ANKRD37: variants seen among roughly 807,000 people sequenced by gnomAD.
ANKRD37 encodes the protein ankyrin repeat domain 37.
ANKRD37 carries 17 observed loss-of-function variants against 19.7 expected under a neutral mutation model. The ratio of observed to expected loss-of-function variants is 0.86; its 90% confidence interval spans 0.59 to 1.29. The LOEUF (loss-of-function observed/expected upper bound fraction) is 1.29, where lower values mean the gene tolerates loss of function less well. Ranked by LOEUF, ANKRD37 falls within the 50% of genes most tolerant of loss-of-function variation. ANKRD37 has a pLI of 0.00. For synonymous variants in ANKRD37, 79 were observed against 74.5 expected (o/e 1.06, Z -0.31); for missense variants, 207 against 190.4 (o/e 1.09, Z -0.51).
chr4:185,397,963 T>TA (rs573622028), intron 2 of ANKRD37, among the ~76,000 whole-genome samples: 1 of 152,262 alleles, frequency 6.6e-6, no homozygotes, highest in African/African-American at 2.4e-5. Context: ...GGCTACACGT[T>TA]TTTATTTATT....
chr4:185,400,576 A>G, downstream of ANKRD37: 2 of 774,492 alleles, frequency 2.6e-6, no homozygotes, highest in Non-Finnish European at 4.2e-6. Context: ...ACCTTGGAAT[A>G]AGACTCTAAA....
In ANKRD37 at chr4:185,399,622, T is replaced by C. The variant is rs760164904; in HGVS notation, c.325T>C (p.Phe109Leu). The C allele has an allele frequency of 1.2e-6, 2 of 1,614,202 alleles. No individual in the cohort carries two copies. The highest frequency in any genetic ancestry group is 8.5e-7 in the Non-Finnish European group (1 of 1,180,020). The change falls in exon 4 of 5, where the codon TTT becomes CTT. Residue 109 changes from phenylalanine (F) to leucine (L), a missense_variant. Physicochemically the swap from Phe to Leu is conservative, Grantham distance 22 (BLOSUM62 0). Coordinates refer to ENST00000335174, the MANE Select transcript of ANKRD37 (RefSeq NM_181726.4). ...TGAAGATCTCGCTTGGTCATGTGGA[T>C]TTCCAGACTGTGCCAAGTTTCTTAC... The part of the protein sequence containing the change: ...TAEDLAWSCG[F>L]PDCAKFLTTI...
In ANKRD37 at chr4:185,399,767, A is replaced by G. The variant is rs1209472916; in HGVS notation, c.470A>G (p.Lys157Arg). 2 of 1,613,952 alleles carry G rather than the reference A, an allele frequency of 1.2e-6. No homozygotes were observed. Among genetic ancestry groups the G allele is most frequent in the African/African-American group, 2.7e-5 (2 of 74,936 alleles). Residue 157 changes from lysine (K) to arginine (R), a missense_variant, in exon 4 of 5, where the codon AAG (lysine) becomes AGG (arginine). Physicochemically the swap from Lys to Arg is conservative, Grantham distance 26. Coordinates refer to ENST00000335174, the MANE Select transcript of ANKRD37 (RefSeq NM_181726.4). ...GTAGAAAATACCAGTGGGAAAAGGA[A>G]GTGCTGGTAAGTAACTCAGAGCTGC... ...GSVENTSGKR[K>R]C
In ANKRD37 at chr4:185,397,225, G is replaced by T. The variant is rs1414613084; in HGVS notation, c.103G>T (p.Val35Phe). 6.2e-7 allele frequency: 1 copy of T among 1,614,146 alleles called. No homozygotes were observed. Among genetic ancestry groups the T allele is most frequent in the Admixed American group, 1.7e-5 (1 of 60,034 alleles). Reference protein sequence around the residue: ...APPDPCKQSPVHLAAGSGLAC... With the variant: ...APPDPCKQSPFHLAAGSGLAC... ...CCCGGATCCCTGCAAGCAGTCGCCT[G>T]TCCACTTAGCCGCAGGAAGCGGCCT... is the stretch of plus-strand genomic sequence containing the variant. The change falls in exon 2 of 5, where the codon GTC becomes TTC. Residue 35 changes from valine to phenylalanine, a missense_variant. Coordinates refer to ENST00000335174, the MANE Select transcript of ANKRD37 (RefSeq NM_181726.4).
rs1438407657 is a variant in ANKRD37, at chr4:185,397,248, C to CTTT, written c.126_127insTTT (p.Gly42_Leu43insPhe). On this transcript the variant is annotated inframe_insertion, in exon 2 of 5. Coordinates refer to ENST00000335174, the MANE Select transcript of ANKRD37 (RefSeq NM_181726.4). ...CTGTCCACTTAGCCGCAGGAAGCGG[C>CTTT]CTTGCTTGCTTTCTTCTCTGGCAGC... The CTTT allele has an allele frequency of 1.2e-6, 2 of 1,614,030 alleles. No individual in the cohort carries two copies. Among genetic ancestry groups the CTTT allele is most frequent in the African/African-American group, 2.7e-5 (2 of 74,942 alleles).
chr4:185,396,921 G>C lies in ANKRD37; in HGVS notation c.-3G>C. The C allele has an allele frequency of 1.9e-6, 3 of 1,613,566 alleles. No individual in the cohort carries two copies. Among genetic ancestry groups the C allele is most frequent in the Non-Finnish European group, 2.5e-6 (3 of 1,180,028 alleles). On this transcript the variant is annotated 5_prime_UTR_variant, in exon 1 of 5. Transcript: ENST00000335174. ...GACTCTTGTCATCTGCCTTAGGCGG[G>C]AAATGCTGTTGCTGGATTGCAACCC...
rs763882551 is a variant in ANKRD37, at chr4:185,400,050, G to A, written c.*33G>A. ...TGGGTTATGAAGAAGTCTGAAGAAC[G>A]CCTTCATTTCATGCAAATCTATAAG... On this transcript the variant is annotated 3_prime_UTR_variant, in exon 5 of 5. Transcript: ENST00000335174. The A allele has an allele frequency of 1.2e-5, 18 of 1,553,898 alleles. No homozygotes were observed. Among genetic ancestry groups the A allele is most frequent in the South Asian group, 9.2e-5 (8 of 87,012 alleles).
chr4:185,399,931 C>T, intron 4 of ANKRD37, 86 bp from the exon 5 acceptor site: 1 of 1,555,210 alleles, frequency 6.4e-7, no homozygotes, highest in South Asian at 1.2e-5. Flanking sequence ...AGTCTAGAGA[C>T]CAAAAATGGG....
At position 185,400,237 on chromosome 4, in the gene ANKRD37, A is replaced by C. The variant is rs1463163060; in HGVS notation, c.*220A>C. ...TTTTAAGTTATTAAAGGAACGTCTAAAAAATACATTCTCCGTGCAGTATTT... is the reference window on the plus strand; with the variant it reads ...TTTTAAGTTATTAAAGGAACGTCTACAAAATACATTCTCCGTGCAGTATTT... On this transcript the variant is annotated 3_prime_UTR_variant, in exon 5 of 5. Coordinates refer to ENST00000335174, the MANE Select transcript of ANKRD37 (RefSeq NM_181726.4). The C allele has an allele frequency of 1.4e-6, 1 of 736,086 alleles. No homozygotes were observed. Among genetic ancestry groups the C allele is most frequent in the Non-Finnish European group, 2.2e-6 (1 of 458,984 alleles). 45.6% of individuals were successfully genotyped at this position (736,086 alleles called of 1,614,324 possible).
intron 4 of ANKRD37, 46 bp from the exon 5 acceptor site, chr4:185,399,971 T>C: frequency 1.3e-6 from 2 of 1,593,154 alleles, no homozygotes; most frequent in Non-Finnish European, 8.5e-7. Flanking sequence ...GGGATAAAAC[T>C]CTTTTTAAAA....
chr4:185,397,747 AAAG>A (rs2095507021), intron 2 of ANKRD37: 1 of 143,162 alleles, frequency 7.0e-6, no homozygotes, highest in Admixed American at 7.6e-5. Flanking sequence ...GTTTATTTCA[AAAG>A]AAGTAATTGC....
chr4:185,397,269 G>T lies in ANKRD37; in HGVS notation c.147G>T (p.Trp49Cys). The part of the protein sequence containing the change: ...AGSGLACFLL[W>C]QLQTGADLNQ... Reference sequence around the variant, plus strand: ...GCGGCCTTGCTTGCTTTCTTCTCTGGCAGCTGCAAACGGGCGCTGACCTCA... The same window carrying T: ...GCGGCCTTGCTTGCTTTCTTCTCTGTCAGCTGCAAACGGGCGCTGACCTCA... Residue 49 changes from tryptophan to cysteine, a missense_variant, in exon 2 of 5, where the codon TGG becomes TGT. Physicochemically the swap from Trp to Cys is radical, Grantham distance 215. Coordinates refer to ENST00000335174, the MANE Select transcript of ANKRD37 (RefSeq NM_181726.4). The T allele has an allele frequency of 6.2e-7, 1 of 1,614,064 alleles. No homozygotes were observed. Among genetic ancestry groups the T allele is most frequent in the South Asian group, 1.1e-5 (1 of 91,092 alleles).
rs536815271 is a variant in ANKRD37, at chr4:185,400,197, T to C, written c.*180T>C. 4.9e-5 allele frequency: 34 copies of C among 700,012 alleles called. No individual in the cohort carries two copies. In the Admixed American group the frequency reaches 4.9e-4, roughly 10 times the overall value. 43.4% of individuals were successfully genotyped at this position (700,012 alleles called of 1,614,324 possible). A position where few individuals can be genotyped will look rare whatever the true frequency, so the allele number is the denominator to read the frequency against. ...ATTTACATGCCTATAATATGCTGGTTGTGTATGCTTTGTCTTTTAAGTTAT... is the reference window on the plus strand; with the variant it reads ...ATTTACATGCCTATAATATGCTGGTCGTGTATGCTTTGTCTTTTAAGTTAT... On this transcript the variant is annotated 3_prime_UTR_variant, in exon 5 of 5. Coordinates refer to ENST00000335174, the MANE Select transcript of ANKRD37 (RefSeq NM_181726.4).
At position 185,397,258 on chromosome 4, in the gene ANKRD37, TTTC is replaced by T; in HGVS notation, c.141_143del (p.Leu48del). On this transcript the variant is annotated inframe_deletion, in exon 2 of 5. Transcript: ENST00000335174. ...AGCCGCAGGAAGCGGCCTTGCTTGC[TTTC>T]TTCTCTGGCAGCTGCAAACGGGCGC... 1.2e-6 allele frequency: 2 copies of T among 1,614,094 alleles called. No individual in the cohort carries two copies. The highest frequency in any genetic ancestry group is 1.7e-6 in the Non-Finnish European group (2 of 1,180,018).
chr4:185,398,170 C>G (rs2095507942), intron 2 of ANKRD37, among the ~76,000 whole-genome samples: 1 of 152,144 alleles, frequency 6.6e-6, no homozygotes, highest in Non-Finnish European at 1.5e-5. Flanking sequence ...GTTGGCCAGG[C>G]TGGTCTCGAA....
Position 185,397,140 on chromosome 4 carries a change from C to G in ANKRD37, c.28-10C>G. Reference sequence around the variant, plus strand: ...GTGGGAAGGGTGCTGGATCTGTTCTCTTCCTGCAGGTGGATGGTCTGAAGC... The same window carrying G: ...GTGGGAAGGGTGCTGGATCTGTTCTGTTCCTGCAGGTGGATGGTCTGAAGC... On this transcript the variant is annotated splice_polypyrimidine_tract_variant and intron_variant, in intron 1 of 4. Coordinates refer to ENST00000335174, the MANE Select transcript of ANKRD37 (RefSeq NM_181726.4). 1 of 1,613,128 alleles carries G rather than the reference C, an allele frequency of 6.2e-7. No individual in the cohort carries two copies. Among genetic ancestry groups the G allele is most frequent in the Non-Finnish European group, 8.5e-7 (1 of 1,179,902 alleles).
chr4:185,399,656 A>T lies in ANKRD37; in HGVS notation c.359A>T (p.Lys120Ile). The T allele has an allele frequency of 6.2e-7, 1 of 1,614,182 alleles. No individual in the cohort carries two copies. The highest frequency in any genetic ancestry group is 8.5e-7 in the Non-Finnish European group (1 of 1,180,024). ...TGTGCCAAGTTTCTTACAACAATTA[A>T]ATGTATGCAGACAATAAAAGCAAGT... ...PDCAKFLTTI[K>I]CMQTIKASEH... Residue 120 changes from lysine to isoleucine, a missense_variant, in exon 4 of 5, where the codon AAA becomes ATA. By Grantham distance (102) the Lys-to-Ile change is moderately radical. Transcript: ENST00000335174.
At chr4:185,397,572 C>T (rs2095506615) in intron 2 of ANKRD37, 5 of 429,826 alleles carry the variant, frequency 1.2e-5, no homozygotes, top group Non-Finnish European at 2.1e-5. Flanking sequence ...AAAATGTTAT[C>T]AGTTCAATAT....
intron 1 of ANKRD37, 91 bp downstream of exon 1, chr4:185,397,041 G>T: frequency 6.2e-7 from 1 of 1,609,932 alleles, no homozygotes; most frequent in Non-Finnish European, 8.5e-7. Flanking sequence ...CGGACCACTG[G>T]GCGCTGCCTG....
Sources: gnomAD v4.1 joint callset for allele counts (sites outside exome capture counted in the v4.1 genomes callset) on GRCh38, gnomAD v4.1.1 for gene constraint, MANE v1.5 for transcripts, NCBI Gene and HGNC (gene_info 2026-07-23, HGNC 2026-07-21) for gene names.